Variants in FAM83A observed in about 807,000 individuals in gnomAD.
The protein encoded by FAM83A is protein FAM83A.
In FAM83A, 21 loss-of-function variants were observed where a neutral mutation model predicts 24.4. The observed-to-expected ratio is 0.86, with a 90% confidence interval of 0.61 to 1.24. The LOEUF (loss-of-function observed/expected upper bound fraction) is 1.24. Among genes scored for constraint, FAM83A ranks in the 50% most tolerant of loss-of-function variants. The probability of loss-of-function intolerance (pLI) is 0.00; values close to 1 mark genes in which losing one functional copy is unlikely to be tolerated. For missense variants in FAM83A, 617 were observed against 579.8 expected, an observed-to-expected ratio of 1.06 and a Z score of -0.66; for synonymous variants, 270 against 252.4, an observed-to-expected ratio of 1.07 and a Z score of -0.66.
At chr8:123,200,137 A>G (rs1824300170) in intron 3 of FAM83A, 1 of 152,234 alleles carries the variant, frequency 6.6e-6, no homozygotes, top group Non-Finnish European at 1.5e-5. Context: ...GGACCAGAAT[A>G]TGATGCACAT....
At chr8:123,201,332 TG>T (rs1484172134) in intron 3 of FAM83A, 1 of 152,164 alleles carries the variant, frequency 6.6e-6, no homozygotes, top group African/African-American at 2.4e-5. Flanking sequence ...CCAATCCCTG[TG>T]AAGCTGAGGG....
chr8:123,180,286 A>G (rs531494704), upstream of FAM83A: 3 of 126,640 alleles, frequency 2.4e-5, no homozygotes, highest in South Asian at 4.3e-4. Context: ...TTGACAACTT[A>G]AAAAAAAAAT....
exon 4 of FAM83A, chr8:123,207,672 C>A (rs1824610263): frequency 2.0e-6 from 3 of 1,510,900 alleles, no homozygotes; most frequent in Non-Finnish European, 2.6e-6. Flanking sequence ...TTCCTGCAGG[C>A]CTCCCCTCAC....
intron 3 of FAM83A, among the ~76,000 whole-genome samples, chr8:123,204,679 T>G (rs1192475056): frequency 3.3e-5 from 5 of 151,966 alleles, no homozygotes; most frequent in Non-Finnish European, 7.4e-5. Context: ...GGAGAATGGC[T>G]TGAACCCAGG....
intron 3 of FAM83A, chr8:123,201,315 C>G (rs2131097130): frequency 6.6e-6 from 1 of 152,330 alleles, no homozygotes; most frequent in African/African-American, 2.4e-5. Flanking sequence ...CTAGGGTCAC[C>G]AGCTCTCCAA....
In FAM83A at chr8:123,208,200, A is replaced by T; in HGVS notation, c.*512A>T. The T allele has an allele frequency of 3.0e-6, 3 of 986,354 alleles. No homozygotes were observed. In the South Asian group the frequency reaches 1.4e-4, roughly 46 times the overall value. The allele number at this position is 986,354 out of a possible 1,614,324, so 61.1% of individuals were successfully genotyped here. ...TGGATGTTTCGGGAGAGTTGGGGAA[A>T]CTCCTCCTCTTAGGAAAGGCTAATA... On this transcript the variant is annotated 3_prime_UTR_variant, in exon 4 of 4. Coordinates refer to ENST00000690554, the Ensembl canonical transcript of FAM83A.
In FAM83A at chr8:123,209,434, A is replaced by G. The variant is rs553321492; in HGVS notation, c.*1746A>G. The G allele has an allele frequency of 2.5e-6, 4 of 1,614,120 alleles. No homozygotes were observed. The South Asian group carries it at 4.4e-5, about 18-fold the overall frequency. ...ACTTTTTTCCTCCTTAGTTCCTGAA[A>G]GTAAACAAAACAAAACAAAAACAAA... On this transcript the variant is annotated 3_prime_UTR_variant, in exon 4 of 4. Transcript: ENST00000690554. The surrounding 1 kb of genome is among the most constrained non-coding windows in gnomAD (Gnocchi z 4.7).
intron 3 of FAM83A, among the ~76,000 whole-genome samples, chr8:123,194,721 T>C (rs1171846612): frequency 1.3e-5 from 2 of 152,214 alleles, no homozygotes; most frequent in African/African-American, 4.8e-5. Flanking sequence ...TGACCTCAGG[T>C]GATCCACCCA....
upstream of FAM83A, chr8:123,182,194 G>C: frequency 2.2e-6 from 1 of 445,016 alleles, no homozygotes; most frequent in South Asian, 1.6e-5. Flanking sequence ...GGGCATGGGA[G>C]AAAGGAGCTC....
chr8:123,204,533 C>T (rs565784165), intron 3 of FAM83A, among the ~76,000 whole-genome samples: 10 of 151,966 alleles, frequency 6.6e-5, no homozygotes, highest in Admixed American at 6.6e-5. Flanking sequence ...GAGGCCGAGG[C>T]GGGTGGATCA....
chr8:123,191,428 G>A (rs1318634684), intron 1 of FAM83A, among the ~76,000 whole-genome samples: 2 of 152,224 alleles, frequency 1.3e-5, no homozygotes, highest in Non-Finnish European at 2.9e-5. Flanking sequence ...AAGTGGCTGA[G>A]AATCCATAAC....
chr8:123,190,674 TAAG>T lies in FAM83A; in HGVS notation c.481-1121_481-1119del, dbSNP rs1451982092. On this transcript the variant is annotated intron_variant, in intron 1 of 3. Transcript: ENST00000690554. The stretch of plus-strand genomic sequence containing the variant: ...GACAGAGAGTAAACCCAAACAAGCT[TAAG>T]AAGAAGAGAAACATTCATTAACATC... Among the ~76,000 whole-genome samples the T allele has an allele frequency of 5.9e-5, 9 of 152,212 alleles. No homozygotes were observed. The East Asian group carries it at 1.7e-3, about 29-fold the overall frequency.
chr8:123,193,497 A>G (rs2131078779), intron 2 of FAM83A, among the ~76,000 whole-genome samples: 1 of 152,274 alleles, frequency 6.6e-6, no homozygotes, highest in East Asian at 1.9e-4. Context: ...GACAATTTAG[A>G]CAATTCAGCC....
At chr8:123,199,473 G>T (rs1485756421) in intron 3 of FAM83A, among the ~76,000 whole-genome samples, 1 of 152,136 alleles carries the variant, frequency 6.6e-6, no homozygotes, top group Admixed American at 6.5e-5. Context: ...GGTGGCTCAC[G>T]CCTGTAATCC....
chr8:123,205,195 G>A (rs534589350), intron 3 of FAM83A, among the ~76,000 whole-genome samples: 2 of 152,202 alleles, frequency 1.3e-5, no homozygotes, highest in African/African-American at 4.8e-5. Context: ...TCTGGGGCGG[G>A]GCACAGTGCA....
chr8:123,209,387 A>T lies in FAM83A; in HGVS notation c.*1699A>T, dbSNP rs1199608160. On this transcript the variant is annotated 3_prime_UTR_variant, in exon 4 of 4. Transcript: ENST00000690554. This position sits in a 1 kb window ranked among gnomAD's most constrained non-coding sequence, Gnocchi z 4.7. ...TTCTTTTATTATTATTATTATTATT[A>T]ATTATTGTATTCCTGTCCTTCACTT... 2 of 1,539,320 alleles carry T rather than the reference A, an allele frequency of 1.3e-6. No individual in the cohort carries two copies. The highest frequency in any genetic ancestry group is 1.7e-6 in the Non-Finnish European group (2 of 1,144,894).
chr8:123,207,508 T>C lies in FAM83A; in HGVS notation c.1125T>C (p.Pro375=), dbSNP rs769753332. Residue 375 remains proline (P), a synonymous_variant, in exon 4 of 4, where the codon CCT becomes CCC. Coordinates refer to ENST00000690554, the Ensembl canonical transcript of FAM83A. ...CCCGGTTCCAGCCCCACCAAGGCCC[T>C]TGGGGAGCCCCGAGTCCCCAGGCCC... The C allele has an allele frequency of 6.3e-6, 10 of 1,576,870 alleles. No homozygotes were observed. In the African/African-American group the frequency reaches 9.4e-5, roughly 15 times the overall value.
intron 3 of FAM83A, 73 bp downstream of exon 3, chr8:123,194,221 G>A (rs368490457): frequency 3.4e-5 from 53 of 1,581,546 alleles, no homozygotes; most frequent in Non-Finnish European, 4.3e-5. Context: ...ACCAGCTCCC[G>A]CTGCTCAGAC....
intron 3 of FAM83A, among the ~76,000 whole-genome samples, chr8:123,205,130 A>G (rs1414581666): frequency 3.3e-5 from 5 of 152,290 alleles, no homozygotes; most frequent in Admixed American, 1.3e-4. Context: ...ATTTTAAAAG[A>G]AAAGAAAAAA....
Sources: allele counts gnomAD v4.1 joint callset (sites outside exome capture counted in the v4.1 genomes callset), GRCh38; gene constraint gnomAD v4.1.1; non-coding constraint Gnocchi (gnomAD v3.1); transcripts MANE v1.5; gene names NCBI Gene and HGNC (gene_info 2026-07-23, HGNC 2026-07-21).